The following ASB2 variants were observed in gnomAD, a reference collection of about 807,000 sequenced individuals.
ASB2 encodes ankyrin repeat and SOCS box protein 2.
In ASB2, 58 loss-of-function variants were observed where a neutral mutation model predicts 62.4. That is an observed-to-expected ratio of 0.93 (90% CI 0.75 to 1.16). The LOEUF (loss-of-function observed/expected upper bound fraction) is 1.16, where lower values mean the gene tolerates loss of function less well. Among genes scored for constraint, ASB2 ranks in the 50% most tolerant of loss-of-function variants. The pLI is 0.00. For synonymous variants in ASB2, 386 were observed against 385.3 expected, an observed-to-expected ratio of 1.00 and a Z score of -0.02; for missense variants, 928 against 887.9, an observed-to-expected ratio of 1.05 and a Z score of -0.57.
rs984743406 is a variant in ASB2, at chr14:93,955,760, C to G, written c.311+1006G>C. ...TCTCCATGACCTCAGGCAAAGTCCCCGCCCTATGAGTGGGGGAGGGTTCTG... is the reference window on the plus strand; with the variant it reads ...TCTCCATGACCTCAGGCAAAGTCCCGGCCCTATGAGTGGGGGAGGGTTCTG... On this transcript the variant is annotated intron_variant, in intron 3 of 9. Transcript: ENST00000555019. Among the ~76,000 whole-genome samples the G allele has an allele frequency of 2.0e-5, 3 of 152,188 alleles. No individual in the cohort carries two copies. The South Asian group carries it at 6.2e-4, about 32-fold the overall frequency.
Position 93,967,948 on chromosome 14 carries a change from A to ATAAGCTAC in ASB2, c.-73-3344_-73-3337dup, listed in dbSNP as rs1889643157. 2.0e-5 allele frequency among the ~76,000 whole-genome samples: 3 copies of ATAAGCTAC among 152,178 alleles called. No individual in the cohort carries two copies. The South Asian group carries it at 6.2e-4, about 32-fold the overall frequency. On this transcript the variant is annotated intron_variant, in intron 1 of 9. Coordinates refer to ENST00000555019, the MANE Select transcript of ASB2 (RefSeq NM_001202429.2). The stretch of plus-strand genomic sequence containing the variant: ...CTTTATTAATAAAAATGGGAAGGAG[A>ATAAGCTAC]TAAGCTACTTCGCTATGCTGTAGAA...
At chr14:93,958,058 T>A (rs1889285964) in intron 2 of ASB2, among the ~76,000 whole-genome samples, 1 of 152,172 alleles carries the variant, frequency 6.6e-6, no homozygotes, top group Admixed American at 6.5e-5. Flanking sequence ...CAGAGCCTGG[T>A]AGAGAGGAGC....
Position 93,951,127 on chromosome 14 carries a change from A to T in ASB2, c.752T>A (p.Leu251Gln). The change falls in exon 6 of 10, where the codon CTG (leucine) becomes CAG (glutamine). Residue 251 changes from leucine (L) to glutamine (Q), a missense_variant. Physicochemically the swap from Leu to Gln is moderately radical, Grantham distance 113. Coordinates refer to ENST00000555019, the MANE Select transcript of ASB2 (RefSeq NM_001202429.2). ...GCTCACCAGGATCTGCATGACCTCCAGGTCATTGCGAGACACAGACTCGTG... is the reference window on the plus strand; with the variant it reads ...GCTCACCAGGATCTGCATGACCTCCTGGTCATTGCGAGACACAGACTCGTG... ...ALHESVSRND[L>Q]EVMQILVSGG... 2 of 1,614,218 alleles carry T rather than the reference A, an allele frequency of 1.2e-6. No individual in the cohort carries two copies. Among genetic ancestry groups the T allele is most frequent in the East Asian group, 2.2e-5 (1 of 44,888 alleles).
intron 9 of ASB2, among the ~76,000 whole-genome samples, chr14:93,936,702 T>C (rs1330192337): frequency 6.6e-6 from 1 of 152,142 alleles, no homozygotes; most frequent in Non-Finnish European, 1.5e-5. Flanking sequence ...GAGTCAGAGT[T>C]GGGGCACAGG....
intron 3 of ASB2, among the ~76,000 whole-genome samples, chr14:93,956,529 G>GA (rs1889214017): frequency 6.6e-6 from 1 of 152,124 alleles, no homozygotes; most frequent in Admixed American, 6.5e-5. Context: ...CTGAGGGGGG[G>GA]ATCACCAGCA....
rs1018393684 is a variant in ASB2, at chr14:93,975,363, G to A, written c.-74+1071C>T. Reference sequence around the variant, plus strand: ...CCTGGCTTCCCGAAGAGCCACCGAAGCCAAATCTCACATCCTCCAAGGGGA... The same window carrying A: ...CCTGGCTTCCCGAAGAGCCACCGAAACCAAATCTCACATCCTCCAAGGGGA... On this transcript the variant is annotated intron_variant, in intron 1 of 9. Coordinates refer to ENST00000555019, the MANE Select transcript of ASB2 (RefSeq NM_001202429.2). Among the ~76,000 whole-genome samples, 6 of 152,272 alleles carry A rather than the reference G, an allele frequency of 3.9e-5. No individual in the cohort carries two copies. The Middle Eastern group carries it at 0.014, about 345-fold the overall frequency.
At chr14:93,945,807 TG>T (rs1412668735) in intron 7 of ASB2, among the ~76,000 whole-genome samples, 4 of 152,172 alleles carry the variant, frequency 2.6e-5, no homozygotes, top group African/African-American at 9.7e-5. Flanking sequence ...TTTCAGTCTT[TG>T]GAATGTCACT....
At chr14:93,935,584 G>A (rs1888245147) in intron 9 of ASB2, among the ~76,000 whole-genome samples, 2 of 152,182 alleles carry the variant, frequency 1.3e-5, no homozygotes, top group South Asian at 4.1e-4. Context: ...TGGGGGAGGG[G>A]CAGGAATTTC....
At chr14:93,966,972 G>A (rs533820716) in intron 1 of ASB2, among the ~76,000 whole-genome samples, 2 of 152,146 alleles carry the variant, frequency 1.3e-5, no homozygotes, top group African/African-American at 4.8e-5. Context: ...TTTTATGCCC[G>A]ATGCTTGGAG....
At chr14:93,972,080 TA>T (rs1889771287) in intron 1 of ASB2, among the ~76,000 whole-genome samples, 1 of 149,942 alleles carries the variant, frequency 6.7e-6, no homozygotes, top group Non-Finnish European at 1.5e-5. Context: ...CACATATACA[TA>T]CTTTCTATAA....
At chr14:93,965,059 C>A (rs1343595988) in intron 1 of ASB2, among the ~76,000 whole-genome samples, 2 of 152,186 alleles carry the variant, frequency 1.3e-5, no homozygotes, top group Non-Finnish European at 2.9e-5. Context: ...TCCAACCATC[C>A]ATCCAACTGT....
intron 7 of ASB2, chr14:93,943,930 A>C (rs959829620): frequency 2.1e-4 from 56 of 271,498 alleles, no homozygotes; most frequent in Non-Finnish European, 1.5e-4. Context: ...AAAATACAGC[A>C]AAAGTGTTAT....
intron 7 of ASB2, among the ~76,000 whole-genome samples, chr14:93,946,676 A>G (rs1254497209): frequency 6.6e-6 from 1 of 152,194 alleles, no homozygotes; most frequent in Non-Finnish European, 1.5e-5. Flanking sequence ...TCATGATGTC[A>G]TGAATTCACA....
At chr14:93,943,415 C>T (rs899340124) in intron 7 of ASB2, among the ~76,000 whole-genome samples, 19 of 152,098 alleles carry the variant, frequency 1.2e-4, no homozygotes, top group Admixed American at 3.3e-4. Flanking sequence ...GAGGCTGAGG[C>T]GGGTGGATCA....
At chr14:93,942,539 G>A (rs1460890833) in intron 7 of ASB2, among the ~76,000 whole-genome samples, 2 of 152,212 alleles carry the variant, frequency 1.3e-5, no homozygotes, top group African/African-American at 4.8e-5. Flanking sequence ...CTTGCCCCAG[G>A]TCTGGGCTCC....
chr14:93,945,397 C>A lies in ASB2; in HGVS notation c.1052+1952G>T, dbSNP rs147802122. Among the ~76,000 whole-genome samples the A allele has an allele frequency of 5.9e-5, 9 of 152,350 alleles. No individual in the cohort carries two copies. In the East Asian group the frequency reaches 1.7e-3, roughly 29 times the overall value. On this transcript the variant is annotated intron_variant, in intron 7 of 9. Coordinates refer to ENST00000555019, the MANE Select transcript of ASB2 (RefSeq NM_001202429.2). ...GTCTGAACCGCTCAATCATGGAATG[C>A]ACTCTCCCTAAGTAAGAGTGGGTGA...
rs749167415 is a variant in ASB2, at chr14:93,937,782, A to G, written c.1687T>C (p.Tyr563His). The change falls in exon 9 of 10, where the codon TAC (tyrosine) becomes CAC (histidine). Residue 563 changes from tyrosine to histidine, a missense_variant. Coordinates refer to ENST00000555019, the MANE Select transcript of ASB2 (RefSeq NM_001202429.2). ...AGPIIDVLLD[Y>H]VGNVQLCSRL... ...GAGCAGAGCTGCACGTTGCCCACGT[A>G]GTCCAGGAGGACATCGATGATGGGC... is the stretch of plus-strand genomic sequence containing the variant. The G allele has an allele frequency of 9.9e-6, 16 of 1,613,230 alleles. No homozygotes were observed. Among genetic ancestry groups the G allele is most frequent in the Non-Finnish European group, 1.3e-5 (15 of 1,179,258 alleles).
At chr14:93,966,549 G>T (rs1461153045) in intron 1 of ASB2, among the ~76,000 whole-genome samples, 9 of 152,174 alleles carry the variant, frequency 5.9e-5, no homozygotes, top group African/African-American at 2.2e-4. Flanking sequence ...ATGACAGGTT[G>T]ATACAATGAG....
chr14:93,934,589 A>C lies in ASB2; in HGVS notation c.*67T>G. 8 of 1,556,750 alleles carry C rather than the reference A, an allele frequency of 5.1e-6. No homozygotes were observed. Among genetic ancestry groups the C allele is most frequent in the Non-Finnish European group, 7.0e-6 (8 of 1,135,400 alleles). The stretch of plus-strand genomic sequence containing the variant: ...GTCACCAGGTCCCCTTGGAGTTGGG[A>C]ACACCGACGTCCTGAGACTTAGTAA... On this transcript the variant is annotated 3_prime_UTR_variant, in exon 10 of 10. Transcript: ENST00000555019.
Sources: allele counts gnomAD v4.1 joint callset (sites outside exome capture counted in the v4.1 genomes callset), GRCh38; gene constraint gnomAD v4.1.1; transcripts MANE v1.5; gene names NCBI Gene and HGNC (gene_info 2026-07-23, HGNC 2026-07-21).